The following ARHGEF4 variants were observed in gnomAD, a reference collection of about 807,000 sequenced individuals.
ARHGEF4 encodes APC-stimulated guanine nucleotide exchange factor 1.
In ARHGEF4, 119 loss-of-function variants were observed where a neutral mutation model predicts 162.0. The observed-to-expected ratio is 0.73, with a 90% CI of 0.63 to 0.86. The LOEUF is 0.86. ARHGEF4 is among the 40% of genes least tolerant of loss of function. The pLI, the probability that ARHGEF4 is intolerant of heterozygous loss-of-function variation, is 0.00. For synonymous variants in ARHGEF4, 1,014 were observed against 979.9 expected, an observed-to-expected ratio of 1.03 and a Z score of -0.65; for missense variants, 2,488 against 2,456.0, an observed-to-expected ratio of 1.01 and a Z score of -0.28.
intron 4 of ARHGEF4, among the ~76,000 whole-genome samples, chr2:130,977,848 A>T (rs1685859238): frequency 6.6e-6 from 1 of 152,158 alleles, no homozygotes; most frequent in African/African-American, 2.4e-5. Flanking sequence ...AATCACTGAG[A>T]CAACAAGTAT....
At chr2:130,882,893 C>T (rs964740393) in intron 1 of ARHGEF4, among the ~76,000 whole-genome samples, 1 of 151,956 alleles carries the variant, frequency 6.6e-6, no homozygotes, top group Non-Finnish European at 1.5e-5. Context: ...TAGGGCTGGA[C>T]ATCTTGTCTA....
intron 1 of ARHGEF4, among the ~76,000 whole-genome samples, chr2:130,890,895 A>G (rs572794552): frequency 5.9e-4 from 90 of 152,260 alleles, no homozygotes; most frequent in African/African-American, 2.0e-3. Context: ...TCGAAGAGAT[A>G]AGAACACAGA....
At chr2:131,039,742 T>C (rs367849806) in intron 6 of ARHGEF4, 4 of 1,353,548 alleles carry the variant, frequency 3.0e-6, no homozygotes, top group Non-Finnish European at 3.8e-6. Context: ...CAGCAAGCGC[T>C]CCAGCCTCTG....
intron 1 of ARHGEF4, among the ~76,000 whole-genome samples, chr2:130,908,913 AAAAAAC>A (rs1294907948): frequency 6.6e-6 from 1 of 152,212 alleles, no homozygotes; most frequent in Non-Finnish European, 1.5e-5. Context: ...GTACAGATGG[AAAAAAC>A]ATGAGAAGAT....
intron 4 of ARHGEF4, among the ~76,000 whole-genome samples, chr2:131,001,618 A>G (rs1687773566): frequency 6.6e-6 from 1 of 152,168 alleles, no homozygotes; most frequent in South Asian, 2.1e-4. Context: ...GTTTGGCAGT[A>G]TCTAGTAAAG....
intron 5 of ARHGEF4, among the ~76,000 whole-genome samples, chr2:131,037,180 C>T (rs1486507428): frequency 6.6e-6 from 1 of 152,204 alleles, no homozygotes; most frequent in African/African-American, 2.4e-5. Flanking sequence ...TTCCTGGGCT[C>T]ACAGGCTCAT....
intron 1 of ARHGEF4, among the ~76,000 whole-genome samples, chr2:130,847,758 A>G (rs1306616224): frequency 6.6e-6 from 1 of 152,218 alleles, no homozygotes; most frequent in Non-Finnish European, 1.5e-5. Context: ...GCTTCACAGG[A>G]ACAGTGCTGG....
At position 130,978,575 on chromosome 2, in the gene ARHGEF4, G is replaced by A. The variant is rs115101710; in HGVS notation, c.3985+31940G>A. 6.6e-3 allele frequency among the ~76,000 whole-genome samples: 1,003 copies of A among 152,198 alleles called. 10 individuals carry two copies. The highest frequency in any genetic ancestry group is 0.023 in the African/African-American group (962 of 41,526). On this transcript the variant is annotated intron_variant, in intron 4 of 13. Transcript: ENST00000409359. Reference sequence around the variant, plus strand: ...AATAACCAGTCCCTTCAATTGTGTCGCATTACAAAAGAAAACATGGTCTTT... The same window carrying A: ...AATAACCAGTCCCTTCAATTGTGTCACATTACAAAAGAAAACATGGTCTTT...
In ARHGEF4 at chr2:131,044,521, G is replaced by A. The variant is rs1454786165; in HGVS notation, c.5380G>A (p.Val1794Met). The A allele has an allele frequency of 6.4e-7, 1 of 1,550,986 alleles. No homozygotes were observed. Among genetic ancestry groups the A allele is most frequent in the East Asian group, 2.4e-5 (1 of 40,952 alleles). ...GGCCTTTGCCAGGGAGAGGGAGCAG[G>A]TGCAGCTGGACCAGGAGACAGGTTC... Reference protein sequence around the residue: ...LKAFAREREQVQLDQETGFSI... With the variant: ...LKAFAREREQMQLDQETGFSI... The change falls in exon 12 of 14, where the codon GTG becomes ATG. Residue 1794 changes from valine to methionine, a missense_variant. Val to Met is a conservative substitution (Grantham distance 21, BLOSUM62 1). This residue lies in a region of ARHGEF4 where 415 missense variants were observed against 512.4 expected (regional missense o/e 0.81). Transcript: ENST00000409359.
intron 1 of ARHGEF4, among the ~76,000 whole-genome samples, chr2:130,865,218 A>G (rs1207990329): frequency 1.3e-5 from 2 of 152,234 alleles, no homozygotes. Flanking sequence ...AGGCAGACCA[A>G]TGACAGGGAT....
chr2:130,952,523 C>T (rs1426048844), intron 4 of ARHGEF4, among the ~76,000 whole-genome samples: 11 of 152,120 alleles, frequency 7.2e-5, no homozygotes, highest in African/African-American at 2.4e-4. Flanking sequence ...TGCCCTATCT[C>T]GCCACTCCTA....
chr2:131,020,590 G>A (rs375871868), intron 4 of ARHGEF4, among the ~76,000 whole-genome samples: 230 of 131,904 alleles, frequency 1.7e-3, no homozygotes, highest in South Asian at 5.1e-3. Flanking sequence ...CCAGTCTGTC[G>A]TTGTTGGACA....
At chr2:131,006,450 C>A (rs772189636) in intron 4 of ARHGEF4, among the ~76,000 whole-genome samples, 2 of 152,224 alleles carry the variant, frequency 1.3e-5, no homozygotes, top group African/African-American at 2.4e-5. Context: ...TGGCCCAGGG[C>A]CTTAGCAGCG....
At chr2:130,918,462 CA>C (rs11294357) in intron 2 of ARHGEF4, among the ~76,000 whole-genome samples, 29,962 of 152,178 alleles carry the variant, frequency 0.2, 3,111 homozygotes, top group Middle Eastern at 0.3. Context: ...AAGGCTCCCT[CA>C]GCTTCTTTAG....
intron 1 of ARHGEF4, among the ~76,000 whole-genome samples, chr2:130,902,432 A>G (rs1335863488): frequency 1.3e-5 from 2 of 152,114 alleles, no homozygotes; most frequent in Non-Finnish European, 2.9e-5. Flanking sequence ...TGTCTCTACT[A>G]AAAATACAAA....
intron 1 of ARHGEF4, chr2:130,837,352 C>T: frequency 2.9e-6 from 1 of 339,122 alleles, no homozygotes; most frequent in Non-Finnish European, 5.4e-6. Flanking sequence ...GGCCTGGGCG[C>T]GCAGGGCACT....
rs373384988 is a variant in ARHGEF4 at position 130,931,272 on chromosome 2, G to A, written c.3858+15G>A. 7 of 1,584,614 alleles carry A rather than the reference G, an allele frequency of 4.4e-6. No homozygotes were observed. The East Asian group carries it at 1.4e-4, about 31-fold the overall frequency. On this transcript the variant is annotated intron_variant, in intron 3 of 13. Transcript: ENST00000409359. ...ATGGAGTCAAGGTAAGCCACTCCCG[G>A]CCAGGAGTCCTCAGACTTGGTCTGG...
intron 4 of ARHGEF4, among the ~76,000 whole-genome samples, chr2:131,003,190 A>G (rs1182605468): frequency 6.6e-6 from 1 of 152,180 alleles, no homozygotes; most frequent in African/African-American, 2.4e-5. Context: ...TGACGAGGCC[A>G]GGGGAATGGA....
At chr2:131,041,685 C>G in intron 9 of ARHGEF4, 130 bp from the exon 10 acceptor site, 1 of 1,318,156 alleles carries the variant, frequency 7.6e-7, no homozygotes. Flanking sequence ...GGCTGTGCAT[C>G]TGATAGTGAG....
Sources: gnomAD v4.1 joint callset for allele counts (sites outside exome capture counted in the v4.1 genomes callset) on GRCh38, gnomAD v4.1.1 for gene constraint, gnomAD v4.1.1 regional missense constraint, MANE v1.5 for transcripts, NCBI Gene and HGNC (gene_info 2026-07-23, HGNC 2026-07-21) for gene names.